The following SLC14A2 variants were observed in gnomAD, a reference collection of about 807,000 sequenced individuals.
SLC14A2 encodes urea transporter 2.
Under a neutral mutation model 104.6 loss-of-function variants are expected in SLC14A2, and 91 were observed. That is an observed-to-expected ratio of 0.87 (90% CI 0.73 to 1.04). The LOEUF (loss-of-function observed/expected upper bound fraction) is 1.04, where lower values mean the gene tolerates loss of function less well. Among genes scored for constraint, SLC14A2 ranks in the 50% least tolerant of loss-of-function variants. The probability of loss-of-function intolerance (pLI) is 0.00; values close to 1 mark genes in which losing one functional copy is unlikely to be tolerated. For synonymous variants in SLC14A2, 476 were observed against 466.4 expected, an observed-to-expected ratio of 1.02 and a Z score of -0.27; for missense variants, 1,189 against 1,156.0, an observed-to-expected ratio of 1.03 and a Z score of -0.41.
chr18:45,417,441 G>A (rs1467229290), intron 1 of SLC14A2, among the ~76,000 whole-genome samples: 1 of 152,124 alleles, frequency 6.6e-6, no homozygotes, highest in Non-Finnish European at 1.5e-5. Context: ...GGAAGCCTCA[G>A]GAAACTTACA....
intron 1 of SLC14A2, among the ~76,000 whole-genome samples, chr18:45,463,561 G>C (rs1462500567): frequency 6.6e-6 from 1 of 152,206 alleles, no homozygotes; most frequent in Non-Finnish European, 1.5e-5. Context: ...CATGCAGGGA[G>C]CATGGGTGGT....
intron 1 of SLC14A2, among the ~76,000 whole-genome samples, chr18:45,392,907 G>T (rs1218423035): frequency 6.6e-6 from 1 of 152,116 alleles, no homozygotes; most frequent in Admixed American, 6.5e-5. Flanking sequence ...AATTTGACTG[G>T]ACTCCCTGTC....
intron 1 of SLC14A2, among the ~76,000 whole-genome samples, chr18:45,396,622 T>A (rs1005330813): frequency 1.4e-5 from 2 of 144,038 alleles, no homozygotes; most frequent in African/African-American, 2.8e-5. Flanking sequence ...ACCTGGTTTT[T>A]TTTTGTTTTT....
At chr18:45,411,557 C>T (rs2086216060) in intron 1 of SLC14A2, among the ~76,000 whole-genome samples, 1 of 152,190 alleles carries the variant, frequency 6.6e-6, no homozygotes. Context: ...ACCGTGCCAT[C>T]TCTCTTTTCT....
chr18:45,324,963 C>T (rs2085220597), intron 1 of SLC14A2, among the ~76,000 whole-genome samples: 1 of 152,166 alleles, frequency 6.6e-6, no homozygotes. Context: ...TCACTCCTCC[C>T]TGATGCATTA....
At chr18:45,639,149 T>C (rs777455948) in intron 6 of SLC14A2, among the ~76,000 whole-genome samples, 4 of 152,016 alleles carry the variant, frequency 2.6e-5, no homozygotes, top group Non-Finnish European at 5.9e-5. Context: ...ACTGCTCCTT[T>C]CCAAAGGCTC....
intron 1 of SLC14A2, among the ~76,000 whole-genome samples, chr18:45,445,106 CT>C (rs34188378): frequency 0.25 from 23,271 of 94,274 alleles, 2,370 homozygotes; most frequent in Non-Finnish European, 0.31. Context: ...AATTGACATG[CT>C]TTTTTTTTTT....
chr18:45,412,416 C>A (rs1204877480), intron 1 of SLC14A2, among the ~76,000 whole-genome samples: 6 of 152,174 alleles, frequency 3.9e-5, no homozygotes. Context: ...GGTCTTCTAA[C>A]TTATATTCCT....
At chr18:45,360,947 G>T (rs926665702) in intron 1 of SLC14A2, among the ~76,000 whole-genome samples, 16 of 152,004 alleles carry the variant, frequency 1.1e-4, no homozygotes, top group Admixed American at 9.2e-4. Context: ...CACCCCTAAT[G>T]TATTCACTTT....
chr18:45,289,741 C>G (rs1341978143), intron 1 of SLC14A2, among the ~76,000 whole-genome samples: 1 of 152,050 alleles, frequency 6.6e-6, no homozygotes. Context: ...GTGTCTGTTC[C>G]CCTGGATGAA....
chr18:45,538,069 G>A (rs888716896), intron 2 of SLC14A2, among the ~76,000 whole-genome samples: 8 of 152,208 alleles, frequency 5.3e-5, no homozygotes, highest in African/African-American at 1.9e-4. Context: ...AAGCCTAGCT[G>A]GGTTTGCCAA....
chr18:45,491,670 C>T, intron 2 of SLC14A2, among the ~76,000 whole-genome samples: 1 of 152,182 alleles, frequency 6.6e-6, no homozygotes, highest in East Asian at 1.9e-4. Context: ...GCAGCCTCAC[C>T]TTCCTCTGGT....
chr18:45,237,513 C>G (rs1357397967), intron 1 of SLC14A2, among the ~76,000 whole-genome samples: 1 of 152,210 alleles, frequency 6.6e-6, no homozygotes. Flanking sequence ...TCTGCTTTAA[C>G]TACGCTCCCC....
chr18:45,218,568 G>A (rs984255653), intron 1 of SLC14A2, among the ~76,000 whole-genome samples: 1 of 152,290 alleles, frequency 6.6e-6, no homozygotes, highest in African/African-American at 2.4e-5. Flanking sequence ...ATGCCATGTG[G>A]TACCCACCAG....
intron 2 of SLC14A2, among the ~76,000 whole-genome samples, chr18:45,525,134 C>A (rs2144817692): frequency 6.7e-6 from 1 of 148,796 alleles, no homozygotes; most frequent in East Asian, 2.0e-4. Flanking sequence ...CATATAGACA[C>A]ACACACACAC....
intron 1 of SLC14A2, among the ~76,000 whole-genome samples, chr18:45,224,067 A>G (rs1002654055): frequency 1.3e-5 from 2 of 152,216 alleles, no homozygotes; most frequent in Admixed American, 6.5e-5. Flanking sequence ...ATTCAAAGTA[A>G]TAATAAAGTT....
chr18:45,221,096 G>A (rs894331643), intron 1 of SLC14A2, among the ~76,000 whole-genome samples: 15 of 152,150 alleles, frequency 9.9e-5, no homozygotes, highest in African/African-American at 2.9e-4. Context: ...GGGGGTTCAG[G>A]CTTCAACATA....
chr18:45,441,745 C>T (rs1271256144), intron 1 of SLC14A2, among the ~76,000 whole-genome samples: 1 of 152,218 alleles, frequency 6.6e-6, no homozygotes, highest in Non-Finnish European at 1.5e-5. Flanking sequence ...CTTTCCTTCC[C>T]AGCCCAGATG....
At chr18:45,626,780 T>C (rs1242096051) in intron 3 of SLC14A2, among the ~76,000 whole-genome samples, 178 bp from the exon 4 acceptor site, 1 of 152,000 alleles carries the variant, frequency 6.6e-6, no homozygotes, top group African/African-American at 2.4e-5. Flanking sequence ...ACTGAGAGAT[T>C]TGGGCTGGGC....
Sources: gnomAD v4.1 joint callset for allele counts (sites outside exome capture counted in the v4.1 genomes callset) on GRCh38, gnomAD v4.1.1 for gene constraint, MANE v1.5 for transcripts, NCBI Gene and HGNC (gene_info 2026-07-23, HGNC 2026-07-21) for gene names.